Variants in CACNB4 observed in about 807,000 individuals in gnomAD.
CACNB4 encodes voltage-dependent L-type calcium channel subunit beta-4.
A neutral mutation model predicts 71.2 loss-of-function variants in CACNB4; 32 were observed. That is an observed-to-expected ratio of 0.45 (90% CI 0.34 to 0.60). The LOEUF (loss-of-function observed/expected upper bound fraction) is 0.60, where lower values mean the gene tolerates loss of function less well. Among genes scored for constraint, CACNB4 ranks in the 20% least tolerant of loss-of-function variants. CACNB4 has a pLI of 0.01. For missense variants in CACNB4, 464 were observed against 647.9 expected, an observed-to-expected ratio of 0.72 and a Z score of 3.08; for synonymous variants, 231 against 236.9, an observed-to-expected ratio of 0.97 and a Z score of 0.23.
chr2:151,840,897 G>A (rs2099836041), intron 13 of CACNB4, among the ~76,000 whole-genome samples: 1 of 152,216 alleles, frequency 6.6e-6, no homozygotes. Flanking sequence ...GCTACTTGAT[G>A]AATGGTAAAT....
At chr2:151,889,321 C>A (rs1475131509) in intron 2 of CACNB4, among the ~76,000 whole-genome samples, 1 of 151,998 alleles carries the variant, frequency 6.6e-6, no homozygotes, top group African/African-American at 2.4e-5. Flanking sequence ...CAAAAATTAG[C>A]CAGGTGTGGT....
intron 2 of CACNB4, among the ~76,000 whole-genome samples, chr2:152,033,001 G>C (rs1463337456): frequency 6.6e-6 from 1 of 152,172 alleles, no homozygotes; most frequent in Non-Finnish European, 1.5e-5. Flanking sequence ...GAACTAGTTT[G>C]GTGTAGACAG....
At chr2:152,068,182 G>A (rs975134489) in intron 2 of CACNB4, among the ~76,000 whole-genome samples, 36 of 152,130 alleles carry the variant, frequency 2.4e-4, no homozygotes, top group Admixed American at 3.9e-4. Context: ...GGGCATCTGG[G>A]CAGACATCTG....
intron 2 of CACNB4, chr2:151,968,638 C>T (rs2099871755): frequency 6.6e-6 from 1 of 152,146 alleles, no homozygotes; most frequent in Non-Finnish European, 1.5e-5. Flanking sequence ...GGGAAGCCTC[C>T]CCACCTTCAC....
At chr2:151,956,890 T>C (rs565235307) in intron 2 of CACNB4, among the ~76,000 whole-genome samples, 24 of 152,346 alleles carry the variant, frequency 1.6e-4, no homozygotes, top group African/African-American at 5.8e-4. Context: ...CTCATGCCTG[T>C]AATCCTAGCA....
intron 2 of CACNB4, among the ~76,000 whole-genome samples, chr2:151,939,994 A>T (rs2099863838): frequency 1.3e-5 from 2 of 152,188 alleles, no homozygotes; most frequent in African/African-American, 4.8e-5. Context: ...TAATTTCTAA[A>T]TTTTACTCGT....
At chr2:151,934,089 G>A (rs112984682) in intron 2 of CACNB4, among the ~76,000 whole-genome samples, 5 of 151,214 alleles carry the variant, frequency 3.3e-5, no homozygotes, top group African/African-American at 1.2e-4. Context: ...GGCCCTGAGG[G>A]AAAGACCAGC....
In CACNB4 at chr2:151,836,093, A is replaced by G. The variant is rs2151307347; in HGVS notation, c.*3026T>C. ...TAAACAAGATAATGTTGTTGGTTATAATATTAGAGTGACATTATACCCTTG... is the reference window on the plus strand; with the variant it reads ...TAAACAAGATAATGTTGTTGGTTATGATATTAGAGTGACATTATACCCTTG... On this transcript the variant is annotated 3_prime_UTR_variant, in exon 14 of 14. Transcript: ENST00000539935. 1 of 151,982 alleles carries G rather than the reference A, an allele frequency of 6.6e-6. No homozygotes were observed. Among genetic ancestry groups the G allele is most frequent in the South Asian group, 2.1e-4 (1 of 4,826 alleles). 9.4% of individuals were successfully genotyped at this position (151,982 alleles called of 1,614,324 possible).
chr2:151,920,730 C>G (rs532961316), intron 2 of CACNB4, among the ~76,000 whole-genome samples: 87 of 152,156 alleles, frequency 5.7e-4, no homozygotes, highest in African/African-American at 2.0e-3. Flanking sequence ...AACATGCAAC[C>G]ATATTTTGTG....
At chr2:152,069,921 C>T (rs1229340843) in intron 2 of CACNB4, among the ~76,000 whole-genome samples, 1 of 147,384 alleles carries the variant, frequency 6.8e-6, no homozygotes, top group Non-Finnish European at 1.5e-5. Flanking sequence ...CGGCTCACTG[C>T]AAGCTCTGCC....
intron 2 of CACNB4, among the ~76,000 whole-genome samples, chr2:152,082,204 C>T (rs1319039594): frequency 1.3e-5 from 2 of 152,214 alleles, no homozygotes; most frequent in African/African-American, 4.8e-5. Context: ...ATGCTGCATG[C>T]ATATACTTGA....
intron 2 of CACNB4, among the ~76,000 whole-genome samples, chr2:151,964,161 A>C (rs1289003503): frequency 6.6e-6 from 1 of 152,178 alleles, no homozygotes; most frequent in Non-Finnish European, 1.5e-5. Flanking sequence ...TCAGTGGGAA[A>C]AATTCATCAT....
chr2:151,976,673 G>A (rs550077450), intron 2 of CACNB4, among the ~76,000 whole-genome samples: 2 of 152,312 alleles, frequency 1.3e-5, no homozygotes, highest in East Asian at 3.9e-4. Context: ...ACCCCAGTGA[G>A]ACGCTCAGCT....
intron 2 of CACNB4, among the ~76,000 whole-genome samples, chr2:152,039,348 G>A (rs1004069659): frequency 1.1e-4 from 16 of 151,806 alleles, no homozygotes; most frequent in East Asian, 1.9e-4. Flanking sequence ...CCCGGGAGGC[G>A]GAGGTTGCAG....
chr2:152,003,025 C>T (rs926889256), intron 2 of CACNB4, among the ~76,000 whole-genome samples: 6 of 152,236 alleles, frequency 3.9e-5, no homozygotes, highest in African/African-American at 1.4e-4. Context: ...ATGCTTTCCA[C>T]TCCCAAGCAA....
At chr2:152,084,462 G>A (rs1579268689) in intron 2 of CACNB4, among the ~76,000 whole-genome samples, 1 of 152,334 alleles carries the variant, frequency 6.6e-6, no homozygotes, top group East Asian at 1.9e-4. Flanking sequence ...GTGAGCACAC[G>A]TTAAGACACT....
chr2:151,906,948 A>G (rs914765838), intron 2 of CACNB4, among the ~76,000 whole-genome samples: 2 of 152,172 alleles, frequency 1.3e-5, no homozygotes, highest in Admixed American at 1.3e-4. Context: ...TTCCCATTAA[A>G]ATTACTGTGT....
chr2:151,882,808 A>G (rs916594074), intron 3 of CACNB4, among the ~76,000 whole-genome samples: 1 of 152,212 alleles, frequency 6.6e-6, no homozygotes, highest in East Asian at 1.9e-4. Flanking sequence ...TGAACTTCAC[A>G]CTGAACTTGA....
rs2151643296 is a variant in CACNB4 at position 151,945,114 on chromosome 2, A to G, written c.148-61744T>C. ...ATATTGAACTTAGTCCCAATAAGTG[A>G]CTGAGACACTCGGTGTCTCAATGTA... On this transcript the variant is annotated intron_variant, in intron 2 of 13. Coordinates refer to ENST00000539935, the MANE Select transcript of CACNB4 (RefSeq NM_000726.5). Among the ~76,000 whole-genome samples, 2 of 152,338 alleles carry G rather than the reference A, an allele frequency of 1.3e-5. 1 individual carries two copies. The highest frequency in any genetic ancestry group is 1.3e-4 in the Admixed American group (2 of 15,308).
Sources: gnomAD v4.1 joint callset for allele counts (sites outside exome capture counted in the v4.1 genomes callset) on GRCh38, gnomAD v4.1.1 for gene constraint, MANE v1.5 for transcripts, NCBI Gene and HGNC (gene_info 2026-07-23, HGNC 2026-07-21) for gene names.